Variants in CCDC196 observed in about 807,000 individuals in gnomAD.
CCDC196 encodes coiled-coil domain-containing protein 196.
chr14:66,490,108 C>A (rs2057501576), intron 4 of CCDC196, among the ~76,000 whole-genome samples: 1 of 152,068 alleles, frequency 6.6e-6, no homozygotes, highest in Non-Finnish European at 1.5e-5. Context: ...CAAATTAGTT[C>A]TATGAATTTC....
intron 8 of CCDC196, among the ~76,000 whole-genome samples, chr14:66,493,092 C>G (rs536390991): frequency 6.6e-6 from 1 of 152,178 alleles, no homozygotes; most frequent in South Asian, 2.1e-4. Context: ...AAAAAGGACA[C>G]GAGATGGGAA....
chr14:66,498,286 T>G, intron 9 of CCDC196, 67 bp from the exon 10 acceptor site: 1 of 412,614 alleles, frequency 2.4e-6, no homozygotes, highest in East Asian at 3.6e-5. Context: ...TTTAGGGGAT[T>G]TGCAGAGTGG....
intron 2 of CCDC196, among the ~76,000 whole-genome samples, chr14:66,487,236 A>G (rs2139573237): frequency 6.6e-6 from 1 of 152,258 alleles, no homozygotes; most frequent in East Asian, 1.9e-4. Context: ...GCCTCTCTAA[A>G]TATACTAGGC....
At chr14:66,495,453 G>C (rs1256331764) in intron 8 of CCDC196, among the ~76,000 whole-genome samples, 3 of 152,186 alleles carry the variant, frequency 2.0e-5, no homozygotes, top group Non-Finnish European at 4.4e-5. Context: ...AGAGAAGCCA[G>C]GCTTCTTGGC....
chr14:66,491,436 A>G (rs976124350), intron 6 of CCDC196, among the ~76,000 whole-genome samples, 190 bp from the exon 7 acceptor site: 10 of 152,242 alleles, frequency 6.6e-5, no homozygotes, highest in Non-Finnish European at 1.2e-4. Flanking sequence ...AACATAAAAT[A>G]ACCCTATTCA....
intron 6 of CCDC196, 60 bp downstream of exon 6, chr14:66,491,164 T>C (rs531418524): frequency 2.4e-6 from 1 of 411,266 alleles, no homozygotes; most frequent in Admixed American, 4.4e-5. Flanking sequence ...AAATCTTTAA[T>C]GTTGTAGTAA....
At chr14:66,497,057 T>C (rs1213417949) in intron 8 of CCDC196, among the ~76,000 whole-genome samples, 1 of 152,120 alleles carries the variant, frequency 6.6e-6, no homozygotes, top group Non-Finnish European at 1.5e-5. Flanking sequence ...CAGGTGCTGC[T>C]GAAGGGAAAA....
At chr14:66,490,086 C>T (rs999549823) in intron 4 of CCDC196, among the ~76,000 whole-genome samples, 3 of 152,106 alleles carry the variant, frequency 2.0e-5, no homozygotes, top group African/African-American at 7.2e-5. Context: ...TCCAGGTTCT[C>T]GTGGGCAGTT....
intron 8 of CCDC196, among the ~76,000 whole-genome samples, chr14:66,492,557 G>A (rs1381989872): frequency 5.3e-5 from 8 of 151,996 alleles, no homozygotes; most frequent in African/African-American, 1.9e-4. Context: ...GGCCAGGCTG[G>A]TCTTGAACTC....
chr14:66,487,800 T>C (rs1168910899), intron 2 of CCDC196, among the ~76,000 whole-genome samples: 1 of 152,150 alleles, frequency 6.6e-6, no homozygotes, highest in Admixed American at 6.5e-5. Flanking sequence ...TCCTAGAAGA[T>C]AGCAGGTTCT....
At chr14:66,495,013 G>A (rs370017236) in intron 8 of CCDC196, among the ~76,000 whole-genome samples, 5 of 148,236 alleles carry the variant, frequency 3.4e-5, no homozygotes, top group Admixed American at 1.3e-4. Flanking sequence ...GTGACAGAGC[G>A]AGACTTCGTA....
chr14:66,493,978 A>C (rs1444521442), intron 8 of CCDC196: 1 of 152,214 alleles, frequency 6.6e-6, no homozygotes, highest in Non-Finnish European at 1.5e-5. Context: ...TCCAGAATCA[A>C]ATTAAGTCTA....
chr14:66,487,264 T>C (rs913927557), intron 2 of CCDC196, among the ~76,000 whole-genome samples: 3 of 152,164 alleles, frequency 2.0e-5, no homozygotes, highest in Admixed American at 6.5e-5. Context: ...GTCTTAACTC[T>C]TTACCAGAGC....
chr14:66,495,169 A>G (rs1055575689), intron 8 of CCDC196, among the ~76,000 whole-genome samples: 1 of 152,184 alleles, frequency 6.6e-6, no homozygotes, highest in African/African-American at 2.4e-5. Context: ...CCTTGTCCCA[A>G]CACCGAAATT....
At position 66,492,116 on chromosome 14, in the gene CCDC196, A is replaced by C. The variant is rs942443013; in HGVS notation, c.637A>C (p.Asn213His). The change falls in exon 8 of 10, where the codon AAT becomes CAT. Residue 213 changes from asparagine to histidine, a missense_variant. By Grantham distance (68) the Asn-to-His change is moderately conservative. Transcript: ENST00000636229. ...IEALKNYQKANDLKLSLYLQQ... is the reference protein window; with the variant it reads ...IEALKNYQKAHDLKLSLYLQQ... ...AGCCTTGAAGAACTACCAGAAGGCC[A>C]ATGACCTGAAATTATCACTGTATTT... 2.4e-6 allele frequency: 1 copy of C among 413,600 alleles called. No homozygotes were observed. Among genetic ancestry groups the C allele is most frequent in the African/African-American group, 2.1e-5 (1 of 48,632 alleles). The allele number at this position is 413,600 out of a possible 1,614,324, so 25.6% of individuals were successfully genotyped here. A position where few individuals can be genotyped will look rare whatever the true frequency, so the allele number is the denominator to read the frequency against.
intron 8 of CCDC196, chr14:66,496,366 A>G (rs1435540594): frequency 4.4e-6 from 2 of 456,166 alleles, no homozygotes; most frequent in East Asian, 1.4e-4. Context: ...ATCCTGTGTT[A>G]ATATTACTGA....
At chr14:66,496,344 TGGCAA>T (rs2057665820) in intron 8 of CCDC196, 1 of 456,152 alleles carries the variant, frequency 2.2e-6, no homozygotes, top group Non-Finnish European at 4.4e-6. Flanking sequence ...TCTGTGTAGC[TGGCAA>T]AATACAATCC....
chr14:66,496,396 A>G, intron 8 of CCDC196: 1 of 455,938 alleles, frequency 2.2e-6, no homozygotes, highest in Middle Eastern at 3.3e-4. Context: ...ACTTCAACAA[A>G]TCCCTACTTG....
chr14:66,495,731 C>G (rs953495732), intron 8 of CCDC196: 1 of 153,206 alleles, frequency 6.5e-6, no homozygotes, highest in African/African-American at 2.4e-5. Flanking sequence ...CCATGAAATG[C>G]TGTGGGAGAG....
Sources: allele counts gnomAD v4.1 joint callset (sites outside exome capture counted in the v4.1 genomes callset), GRCh38; gene constraint gnomAD v4.1.1; transcripts MANE v1.5; gene names NCBI Gene and HGNC (gene_info 2026-07-23, HGNC 2026-07-21).